CDS1: variants seen among roughly 807,000 people sequenced by gnomAD.
CDS1 encodes CDP-diacylglycerol synthase 1.
In CDS1, 41 loss-of-function variants were observed where a neutral mutation model predicts 62.1. The ratio of observed to expected loss-of-function variants is 0.66; its 90% CI spans 0.51 to 0.86. CDS1 has a LOEUF of 0.86. Ranked by LOEUF, CDS1 falls within the 40% of genes least tolerant of loss-of-function variation. The pLI is 0.00. For missense variants in CDS1, 470 were observed against 550.1 expected (o/e 0.85, Z 1.46); for synonymous variants, 185 against 192.6 (o/e 0.96, Z 0.32).
chr4:84,622,817 T>C (rs1723732538), intron 5 of CDS1, among the ~76,000 whole-genome samples: 2 of 152,180 alleles, frequency 1.3e-5, no homozygotes, highest in Non-Finnish European at 2.9e-5. Context: ...TGTTATAACC[T>C]ACTTTACTTC....
chr4:84,585,968 A>G (rs940780179), intron 1 of CDS1, among the ~76,000 whole-genome samples: 2 of 152,180 alleles, frequency 1.3e-5, no homozygotes, highest in African/African-American at 4.8e-5. Flanking sequence ...GAAAAGCTCT[A>G]AACAGTGGAT....
At chr4:84,604,094 C>A in intron 1 of CDS1, 149 bp from the exon 2 acceptor site, 1 of 601,458 alleles carries the variant, frequency 1.7e-6, no homozygotes, top group Non-Finnish European at 2.9e-6. Flanking sequence ...AGAAGTATAG[C>A]AGTGCTAAGA....
At chr4:84,636,983 A>G (rs1242332872) in intron 8 of CDS1, among the ~76,000 whole-genome samples, 1 of 152,222 alleles carries the variant, frequency 6.6e-6, no homozygotes, top group Admixed American at 6.5e-5. Flanking sequence ...TTGTTCAGAT[A>G]TAAAGCCTTC....
At chr4:84,622,076 A>G (rs1287886631) in intron 5 of CDS1, among the ~76,000 whole-genome samples, 1 of 152,178 alleles carries the variant, frequency 6.6e-6, no homozygotes, top group Non-Finnish European at 1.5e-5. Flanking sequence ...CCAAACCAGT[A>G]AGCTTGATTT....
intron 9 of CDS1, among the ~76,000 whole-genome samples, chr4:84,640,005 A>G (rs534762949): frequency 1.7e-3 from 265 of 151,588 alleles, no homozygotes; most frequent in African/African-American, 6.1e-3. Context: ...GTTATTATCA[A>G]AGACTAACTT....
At position 84,629,758 on chromosome 4, in the gene CDS1, T is replaced by C. The variant is rs182837504; in HGVS notation, c.581-2061T>C. On this transcript the variant is annotated intron_variant, in intron 5 of 12. Coordinates refer to ENST00000295887, the MANE Select transcript of CDS1 (RefSeq NM_001263.4). ...AGACAATTGTATCCCATAGGTGAAA[T>C]TGGATTATGTAAACGTGAGTTGCCA... 2.6e-3 allele frequency among the ~76,000 whole-genome samples: 390 copies of C among 152,266 alleles called. 2 individuals are homozygous for C. Among genetic ancestry groups the C allele is most frequent in the South Asian group, 4.6e-3 (22 of 4,824 alleles).
intron 2 of CDS1, among the ~76,000 whole-genome samples, chr4:84,609,046 G>A (rs1405819722): frequency 2.6e-5 from 4 of 151,802 alleles, no homozygotes; most frequent in African/African-American, 4.8e-5. Flanking sequence ...GGGTGTGGTG[G>A]CGGGCACCTG....
At chr4:84,608,075 C>T (rs1173464258) in intron 2 of CDS1, among the ~76,000 whole-genome samples, 2 of 152,084 alleles carry the variant, frequency 1.3e-5, no homozygotes, top group Admixed American at 6.5e-5. Flanking sequence ...GCCCTTACAG[C>T]GAGGGTTGAG....
At chr4:84,635,616 TGCCTGCCTGCCTTCC>T (rs1724165142) in intron 8 of CDS1, among the ~76,000 whole-genome samples, 4 of 106,102 alleles carry the variant, frequency 3.8e-5, no homozygotes, top group East Asian at 5.5e-4. Context: ...CCTGCCTGCC[TGCCTGCCTGCCTTCC>T]TTCCTTCCTT....
chr4:84,610,785 G>A (rs1320193207), intron 3 of CDS1, among the ~76,000 whole-genome samples: 2 of 152,062 alleles, frequency 1.3e-5, no homozygotes, highest in Non-Finnish European at 2.9e-5. Flanking sequence ...GTAACATGTT[G>A]TACAAATTTA....
intron 5 of CDS1, among the ~76,000 whole-genome samples, chr4:84,624,374 A>G (rs2148651485): frequency 6.6e-6 from 1 of 151,916 alleles, no homozygotes; most frequent in Admixed American, 6.6e-5. Flanking sequence ...GTATTCCATG[A>G]AATCCTCCTC....
intron 10 of CDS1, 65 bp downstream of exon 10, chr4:84,641,055 ATTATTTAT>A (rs972663061): frequency 2.0e-6 from 2 of 992,886 alleles, no homozygotes; most frequent in African/African-American, 1.7e-5. Flanking sequence ...AGCTTCCTTT[ATTATTTAT>A]TTATTTATTT....
At position 84,650,857 on chromosome 4, in the gene CDS1, A is replaced by G. The variant is rs1258789497; in HGVS notation, c.*2171A>G. The G allele has an allele frequency of 6.6e-6, 1 of 152,234 alleles. No individual in the cohort carries two copies. Among genetic ancestry groups the G allele is most frequent in the Non-Finnish European group, 1.5e-5 (1 of 68,046 alleles). The allele number at this position is 152,234 out of a possible 1,614,324, so 9.4% of individuals were successfully genotyped here. A position where few individuals can be genotyped will look rare whatever the true frequency, so the allele number is the denominator to read the frequency against. On this transcript the variant is annotated 3_prime_UTR_variant, in exon 13 of 13. Coordinates refer to ENST00000295887, the MANE Select transcript of CDS1 (RefSeq NM_001263.4). ...TGTATATTAAAATAGAATATATTTT[A>G]GCAAAAGATTGCCATAAAACCCTGA...
chr4:84,630,792 G>A (rs980096537), intron 5 of CDS1, among the ~76,000 whole-genome samples: 26 of 151,748 alleles, frequency 1.7e-4, no homozygotes, highest in African/African-American at 5.6e-4. Context: ...GCCATAGAGC[G>A]ACACTTGACT....
intron 1 of CDS1, among the ~76,000 whole-genome samples, chr4:84,588,424 T>A (rs1722482686): frequency 6.6e-6 from 1 of 152,214 alleles, no homozygotes; most frequent in African/African-American, 2.4e-5. Context: ...GCTGCCCAGA[T>A]AGAACTGGTT....
At position 84,609,508 on chromosome 4, in the gene CDS1, T is replaced by C; in HGVS notation, c.325T>C (p.Phe109Leu). ...TTTCCTGATCATCTATATGGGATCC[T>C]TCATGCTGATGCTTCTTGTAAGTTT... ...LFFLIIYMGS[F>L]MLMLLVLGIQ... Residue 109 changes from phenylalanine (F) to leucine (L), a missense_variant, in exon 3 of 13, where the codon TTC (phenylalanine) becomes CTC (leucine). Around this residue, in one of 5 missense-constraint regions of CDS1, gnomAD observed 150 missense variants for 142.0 expected, o/e 1.06. Transcript: ENST00000295887. 1 of 1,595,334 alleles carries C rather than the reference T, an allele frequency of 6.3e-7. No individual in the cohort carries two copies. The highest frequency in any genetic ancestry group is 8.6e-7 in the Non-Finnish European group (1 of 1,163,642).
intron 5 of CDS1, among the ~76,000 whole-genome samples, chr4:84,623,474 C>T (rs1202789095): frequency 6.6e-6 from 1 of 152,148 alleles, no homozygotes; most frequent in Non-Finnish European, 1.5e-5. Context: ...TACGTTTAGG[C>T]ACCTGTAATT....
intron 2 of CDS1, among the ~76,000 whole-genome samples, chr4:84,608,319 G>A (rs754251016): frequency 8.5e-5 from 13 of 152,074 alleles, no homozygotes; most frequent in African/African-American, 2.4e-4. Flanking sequence ...GACTACAGGC[G>A]CCCACCACTA....
rs546232650 is a variant in CDS1 at position 84,651,230 on chromosome 4, G to A, written c.*2544G>A. 5 of 152,280 alleles carry A rather than the reference G, an allele frequency of 3.3e-5. No homozygotes were observed. In the East Asian group the frequency reaches 7.7e-4, roughly 23 times the overall value. The allele number at this position is 152,280 out of a possible 1,614,324, so 9.4% of individuals were successfully genotyped here. On this transcript the variant is annotated 3_prime_UTR_variant, in exon 13 of 13. Coordinates refer to ENST00000295887, the MANE Select transcript of CDS1 (RefSeq NM_001263.4). ...CCGTGAAAAAGAAAAAGCATAAACA[G>A]TGTATATTTAGGGTATATGGGTGAT...
Sources: allele counts gnomAD v4.1 joint callset (sites outside exome capture counted in the v4.1 genomes callset), GRCh38; gene constraint gnomAD v4.1.1; regional missense constraint gnomAD v4.1.1; transcripts MANE v1.5; gene names NCBI Gene and HGNC (gene_info 2026-07-23, HGNC 2026-07-21).